The following PDCD1 variants were observed in gnomAD, a reference collection of about 807,000 sequenced individuals.
PDCD1 encodes the protein programmed cell death 1.
Under a neutral mutation model 23.6 loss-of-function variants are expected in PDCD1, and 10 were observed. That is an observed-to-expected ratio of 0.42 (90% CI 0.26 to 0.72). The LOEUF is 0.72. Among genes scored for constraint, PDCD1 ranks in the 30% least tolerant of loss-of-function variants. The probability of loss-of-function intolerance (pLI) is 0.24; values close to 1 mark genes in which losing one functional copy is unlikely to be tolerated. For missense variants in PDCD1, 313 were observed against 397.8 expected, an observed-to-expected ratio of 0.79 and a Z score of 1.81; for synonymous variants, 168 against 169.3, an observed-to-expected ratio of 0.99 and a Z score of 0.06.
rs775781982 is a variant in PDCD1, at chr2:241,852,302, G to A, written c.488C>T (p.Ala163Val). The A allele has an allele frequency of 6.2e-7, 1 of 1,611,098 alleles. No individual in the cohort carries two copies. The highest frequency in any genetic ancestry group is 1.1e-5 in the South Asian group (1 of 90,912). ...AACCACCAGGGTTTGGAACTGGCCG[G>A]CTGGCCTGGGTGAGGGGCTGGGGTG... ...TAHPSPSPRP[A>V]GQFQTLVVGV... Residue 163 changes from alanine (A) to valine (V), a missense_variant, in exon 3 of 5, where the codon GCC (alanine) becomes GTC (valine). This residue lies in a region of PDCD1 where 158 missense variants were observed against 177.5 expected (regional missense o/e 0.89). Coordinates refer to ENST00000334409, the MANE Select transcript of PDCD1 (RefSeq NM_005018.3).
chr2:241,858,018 G>C (rs1003389403), intron 1 of PDCD1, among the ~76,000 whole-genome samples: 1 of 152,168 alleles, frequency 6.6e-6, no homozygotes, highest in Non-Finnish European at 1.5e-5. Context: ...CCAGGGTCAC[G>C]GGCAGCCCAG....
chr2:241,853,239 C>T (rs1309279786), intron 1 of PDCD1, among the ~76,000 whole-genome samples: 1 of 151,300 alleles, frequency 6.6e-6, no homozygotes, highest in Non-Finnish European at 1.5e-5. Flanking sequence ...CTACTAAGAG[C>T]CTTCACCCCC....
At chr2:241,856,254 G>A (rs1701024617) in intron 1 of PDCD1, among the ~76,000 whole-genome samples, 1 of 151,964 alleles carries the variant, frequency 6.6e-6, no homozygotes, top group Non-Finnish European at 1.5e-5. Flanking sequence ...GGGAGAGGCT[G>A]AGCAGAGCCC....
intron 1 of PDCD1, among the ~76,000 whole-genome samples, chr2:241,857,387 G>A (rs1306617777): frequency 6.6e-6 from 1 of 152,184 alleles, no homozygotes; most frequent in East Asian, 1.9e-4. Flanking sequence ...CGGACACCTT[G>A]CTCTTATCTT....
intron 1 of PDCD1, among the ~76,000 whole-genome samples, chr2:241,857,992 AGTGTACACAGAGG>A (rs1701062929): frequency 6.6e-6 from 1 of 152,104 alleles, no homozygotes; most frequent in African/African-American, 2.4e-5. Flanking sequence ...CTGTGGTCAC[AGTGTACACAGAGG>A]GCCCAGGGTC....
At chr2:241,853,040 C>T (rs898854526) in intron 1 of PDCD1, 60 bp from the exon 2 acceptor site, 29 of 1,511,042 alleles carry the variant, frequency 1.9e-5, no homozygotes, top group Non-Finnish European at 2.6e-5. Context: ...TCCCCGGCCA[C>T]CTGCTCACAT....
chr2:241,852,053 C>A, intron 3 of PDCD1, 70 bp from the exon 4 acceptor site: 1 of 1,428,360 alleles, frequency 7.0e-7, no homozygotes, highest in East Asian at 2.6e-5. Context: ...GGTCTTAGTC[C>A]AGGGGCCTTC....
At chr2:241,852,032 C>G in intron 3 of PDCD1, 49 bp from the exon 4 acceptor site, 1 of 1,588,792 alleles carries the variant, frequency 6.3e-7, no homozygotes, top group South Asian at 1.1e-5. Context: ...GAGCCGTGCT[C>G]CTAGGTGGGG....
intron 1 of PDCD1, among the ~76,000 whole-genome samples, chr2:241,853,708 G>A (rs1246413932): frequency 6.6e-6 from 1 of 152,274 alleles, no homozygotes; most frequent in Non-Finnish European, 1.5e-5. Context: ...ATACCCGCAT[G>A]GCAACGTGGG....
At chr2:241,852,457 G>C in intron 2 of PDCD1, 104 bp from the exon 3 acceptor site, 1 of 1,140,590 alleles carries the variant, frequency 8.8e-7, no homozygotes. Flanking sequence ...AGAGCTAGAG[G>C]ACAGAGATGC....
intron 3 of PDCD1, 40 bp downstream of exon 3, chr2:241,852,158 G>A (rs1461331613): frequency 6.3e-7 from 1 of 1,592,728 alleles, no homozygotes; most frequent in Admixed American, 1.8e-5. Flanking sequence ...CCGCCAGCAG[G>A]GTTAGGGCAG....
intron 1 of PDCD1, among the ~76,000 whole-genome samples, chr2:241,853,594 A>T (rs1292980896): frequency 2.0e-5 from 3 of 152,248 alleles, no homozygotes; most frequent in Non-Finnish European, 1.5e-5. Flanking sequence ...TTCAGAGACG[A>T]GATGGGCCAT....
In PDCD1 at chr2:241,858,847, C is replaced by G; in HGVS notation, c.-9G>C. 1 of 1,564,366 alleles carries G rather than the reference C, an allele frequency of 6.4e-7. No individual in the cohort carries two copies. Among genetic ancestry groups the G allele is most frequent in the Non-Finnish European group, 8.7e-7 (1 of 1,154,150 alleles). On this transcript the variant is annotated 5_prime_UTR_variant, in exon 1 of 5. Coordinates refer to ENST00000334409, the MANE Select transcript of PDCD1 (RefSeq NM_005018.3). ...GCCTGTGGGATCTGCATGCCTGGAG[C>G]AGCCCCACCAGAGTGCCGCCTTCTC...
At chr2:241,856,439 G>A (rs928755566) in intron 1 of PDCD1, among the ~76,000 whole-genome samples, 1 of 152,266 alleles carries the variant, frequency 6.6e-6, no homozygotes, top group Non-Finnish European at 1.5e-5. Context: ...TTGATTCTAG[G>A]TGAGGGATAT....
intron 1 of PDCD1, among the ~76,000 whole-genome samples, chr2:241,853,660 C>A (rs1012633740): frequency 6.6e-6 from 1 of 152,262 alleles, no homozygotes; most frequent in African/African-American, 2.4e-5. Context: ...AAGACAAGGA[C>A]CTCCTGAAAC....
At chr2:241,853,630 G>A (rs1244667047) in intron 1 of PDCD1, among the ~76,000 whole-genome samples, 1 of 152,254 alleles carries the variant, frequency 6.6e-6, no homozygotes, top group South Asian at 2.1e-4. Context: ...CAGACACGGG[G>A]CCCCCGACCC....
At chr2:241,854,336 A>G (rs1700967988) in intron 1 of PDCD1, among the ~76,000 whole-genome samples, 1 of 152,196 alleles carries the variant, frequency 6.6e-6, no homozygotes, top group Non-Finnish European at 1.5e-5. Flanking sequence ...GGCCAGCTAC[A>G]CAAGGGGCTG....
At chr2:241,855,118 C>T (rs1026467668) in intron 1 of PDCD1, among the ~76,000 whole-genome samples, 3 of 149,966 alleles carry the variant, frequency 2.0e-5, no homozygotes, top group Admixed American at 6.6e-5. Context: ...TCCTGTTCCG[C>T]CCCCCCCAAC....
intron 1 of PDCD1, 101 bp from the exon 2 acceptor site, chr2:241,853,081 A>T: frequency 1.5e-6 from 2 of 1,358,052 alleles, no homozygotes; most frequent in Admixed American, 4.5e-5. Context: ...TGGAAGGGCC[A>T]CCCCAGCTGG....
Sources: gnomAD v4.1 joint callset for allele counts (sites outside exome capture counted in the v4.1 genomes callset) on GRCh38, gnomAD v4.1.1 for gene constraint, gnomAD v4.1.1 regional missense constraint, MANE v1.5 for transcripts, NCBI Gene and HGNC (gene_info 2026-07-23, HGNC 2026-07-21) for gene names.